TEX29: variants seen among roughly 807,000 people sequenced by gnomAD.
TEX29 encodes testis-expressed protein 29.
TEX29 carries 26 observed loss-of-function variants against 18.2 expected under a neutral mutation model. The observed-to-expected ratio is 1.43, with a 90% CI of 1.04 to 1.98. The LOEUF (loss-of-function observed/expected upper bound fraction) is 1.98. Among genes scored for constraint, TEX29 ranks in the 30% most tolerant of loss-of-function variants. The pLI, the probability that TEX29 is intolerant of heterozygous loss-of-function variation, is 0.00. For synonymous variants in TEX29, 83 were observed against 78.5 expected (o/e 1.06, Z -0.31); for missense variants, 177 against 194.2 (o/e 0.91, Z 0.53).
rs1034173253 is a variant in TEX29, at chr13:111,334,325, A to G, written c.170-5538A>G. On this transcript the variant is annotated intron_variant, in intron 3 of 5. Coordinates refer to ENST00000283547, the MANE Select transcript of TEX29 (RefSeq NM_152324.3). ...TTATTCTTTGTGGTGTGTGACCACT[A>G]AAAAGTCTTCTTGGGTAGCTACTAG... Among the ~76,000 whole-genome samples, 5 of 152,348 alleles carry G rather than the reference A, an allele frequency of 3.3e-5. No homozygotes were observed. In the East Asian group the frequency reaches 5.8e-4, roughly 18 times the overall value.
intron 3 of TEX29, among the ~76,000 whole-genome samples, chr13:111,338,951 T>TA (rs2093693308): frequency 2.0e-5 from 3 of 152,340 alleles, no homozygotes; most frequent in African/African-American, 7.2e-5. Flanking sequence ...GAGATCCAGA[T>TA]ATCAGCCCTC....
At chr13:111,325,456 G>C (rs2093671326) in intron 2 of TEX29, among the ~76,000 whole-genome samples, 1 of 152,214 alleles carries the variant, frequency 6.6e-6, no homozygotes, top group South Asian at 2.1e-4. Flanking sequence ...GGAGCAGGGA[G>C]CTGCATCAGC....
intron 3 of TEX29, among the ~76,000 whole-genome samples, chr13:111,331,362 G>A (rs1489635622): frequency 7.0e-6 from 1 of 143,392 alleles, no homozygotes. Context: ...TTCTCTGGAA[G>A]AAAAGTCTAT....
At chr13:111,331,122 C>T (rs189478794) in intron 3 of TEX29, among the ~76,000 whole-genome samples, 48 of 152,224 alleles carry the variant, frequency 3.2e-4, no homozygotes, top group African/African-American at 9.9e-4. Flanking sequence ...AGGGAACTTC[C>T]CAACTGTTTT....
chr13:111,337,542 T>C (rs1455681106), intron 3 of TEX29, among the ~76,000 whole-genome samples: 4 of 152,006 alleles, frequency 2.6e-5, no homozygotes, highest in African/African-American at 9.7e-5. Context: ...GGTTAGACTC[T>C]GGCATCTCCT....
intron 2 of TEX29, among the ~76,000 whole-genome samples, chr13:111,323,505 A>G (rs549207870): frequency 1.3e-5 from 2 of 152,352 alleles, no homozygotes; most frequent in Non-Finnish European, 2.9e-5. Context: ...ACTGTGACAC[A>G]CTTTCCACAC....
Position 111,333,773 on chromosome 13 carries a change from GGTT to G in TEX29, c.169+5483_169+5485del, listed in dbSNP as rs568897336. Among the ~76,000 whole-genome samples the G allele has an allele frequency of 3.5e-3, 533 of 151,716 alleles. 7 individuals are homozygous for G. The highest frequency in any genetic ancestry group is 0.012 in the African/African-American group (476 of 41,004). ...CAAGACATGTCTTACGTGGCAGCAA[GGTT>G]GTGGGAAGGGAACTGCCAAACACTT... is the stretch of plus-strand genomic sequence containing the variant. On this transcript the variant is annotated intron_variant, in intron 3 of 5. Transcript: ENST00000283547.
At chr13:111,342,980 C>G in intron 5 of TEX29, 49 bp downstream of exon 5, 2 of 1,594,914 alleles carry the variant, frequency 1.3e-6, no homozygotes, top group Non-Finnish European at 1.7e-6. Context: ...GGGCGTGGCT[C>G]TGTTCCCTCG....
At chr13:111,338,090 T>C (rs925965721) in intron 3 of TEX29, among the ~76,000 whole-genome samples, 2 of 151,246 alleles carry the variant, frequency 1.3e-5, no homozygotes, top group Non-Finnish European at 3.0e-5. Context: ...CTGGCTCATG[T>C]GCCCAGGAGG....
chr13:111,322,206 A>G (rs2153641171), intron 2 of TEX29, among the ~76,000 whole-genome samples: 1 of 152,324 alleles, frequency 6.6e-6, no homozygotes, highest in Middle Eastern at 3.4e-3. Flanking sequence ...ATCTCTTTGG[A>G]CAGGAAGAGG....
chr13:111,341,762 T>C (rs1254327466), intron 4 of TEX29, among the ~76,000 whole-genome samples: 1 of 152,032 alleles, frequency 6.6e-6, no homozygotes, highest in East Asian at 1.9e-4. Flanking sequence ...TGCTTGTTGA[T>C]GAACATCATA....
chr13:111,337,920 C>T lies in TEX29; in HGVS notation c.170-1943C>T, dbSNP rs531150119. ...ACTTCACCATTCCTTACTGAGGTCA[C>T]CTCGGTATGAGGAAAATCGAGGATG... On this transcript the variant is annotated intron_variant, in intron 3 of 5. Transcript: ENST00000283547. Among the ~76,000 whole-genome samples the T allele has an allele frequency of 2.0e-5, 3 of 152,118 alleles. No homozygotes were observed. In the South Asian group the frequency reaches 6.2e-4, roughly 32 times the overall value.
chr13:111,328,438 G>A (rs1055701391), intron 3 of TEX29, 145 bp downstream of exon 3: 4 of 634,038 alleles, frequency 6.3e-6, no homozygotes, highest in East Asian at 2.8e-5. Context: ...CTTCTGCTCC[G>A]TCTTAGTGGG....
intron 2 of TEX29, among the ~76,000 whole-genome samples, chr13:111,323,912 G>C (rs1275966251): frequency 6.6e-6 from 1 of 152,202 alleles, no homozygotes; most frequent in Non-Finnish European, 1.5e-5. Flanking sequence ...CAAACTCCGG[G>C]AGAACTGGTG....
chr13:111,325,242 G>T (rs997421396), intron 2 of TEX29, among the ~76,000 whole-genome samples: 1 of 152,248 alleles, frequency 6.6e-6, no homozygotes, highest in African/African-American at 2.4e-5. Flanking sequence ...TGGCCCAGCC[G>T]ATGGCTCCTC....
chr13:111,336,635 A>G (rs1488721712), intron 3 of TEX29, among the ~76,000 whole-genome samples: 1 of 152,218 alleles, frequency 6.6e-6, no homozygotes, highest in Non-Finnish European at 1.5e-5. Context: ...CAGTTTCTTC[A>G]TGGGACTTGC....
intron 3 of TEX29, among the ~76,000 whole-genome samples, chr13:111,328,531 G>C (rs1015853735): frequency 6.6e-6 from 1 of 152,182 alleles, no homozygotes; most frequent in African/African-American, 2.4e-5. Flanking sequence ...TCCCAGATGG[G>C]CTGAGCAGGG....
chr13:111,319,737 C>T (rs1473115094), upstream of TEX29, among the ~76,000 whole-genome samples: 1 of 152,168 alleles, frequency 6.6e-6, no homozygotes, highest in Admixed American at 6.5e-5. Flanking sequence ...AAGCGATCCT[C>T]CCGCCTTGCC....
chr13:111,324,400 C>G (rs986342644), intron 2 of TEX29, among the ~76,000 whole-genome samples: 1 of 152,232 alleles, frequency 6.6e-6, no homozygotes, highest in Non-Finnish European at 1.5e-5. Flanking sequence ...GTGCTGGAAG[C>G]CTCCACGGTG....
Sources: allele counts gnomAD v4.1 joint callset (sites outside exome capture counted in the v4.1 genomes callset), GRCh38; gene constraint gnomAD v4.1.1; transcripts MANE v1.5; gene names NCBI Gene and HGNC (gene_info 2026-07-23, HGNC 2026-07-21).